Variants in TMTC4 observed in about 807,000 individuals in gnomAD.
The protein encoded by TMTC4 is transmembrane O-mannosyltransferase targeting cadherins 4, also known as protein O-mannosyl-transferase TMTC4.
Under a neutral mutation model 86.0 loss-of-function variants are expected in TMTC4, and 65 were observed. That is an observed-to-expected ratio of 0.76 (90% CI 0.62 to 0.93). TMTC4 has a LOEUF of 0.93. Ranked by LOEUF, TMTC4 falls within the 40% of genes least tolerant of loss-of-function variation. The probability of loss-of-function intolerance (pLI) is 0.00; values close to 1 mark genes in which losing one functional copy is unlikely to be tolerated. For synonymous variants in TMTC4, 379 were observed against 382.5 expected, an observed-to-expected ratio of 0.99 and a Z score of 0.11; for missense variants, 866 against 948.1, an observed-to-expected ratio of 0.91 and a Z score of 1.14.
chr13:100,655,534 G>T (rs1056578559), intron 6 of TMTC4, among the ~76,000 whole-genome samples: 3 of 152,086 alleles, frequency 2.0e-5, no homozygotes, highest in Non-Finnish European at 2.9e-5. Flanking sequence ...TTCATTATGG[G>T]GCCGGCCAAT....
At chr13:100,642,786 G>T (rs1365427507) in intron 6 of TMTC4, among the ~76,000 whole-genome samples, 4 of 152,170 alleles carry the variant, frequency 2.6e-5, no homozygotes. Flanking sequence ...AGGAGTTTGG[G>T]CCCTGTGGAC....
chr13:100,611,108 G>C (rs1267761110), intron 17 of TMTC4, among the ~76,000 whole-genome samples: 1 of 152,182 alleles, frequency 6.6e-6, no homozygotes, highest in East Asian at 1.9e-4. Flanking sequence ...GTAATAAACA[G>C]AAAAAGAGAA....
chr13:100,614,331 G>A lies in TMTC4; in HGVS notation c.1936C>T (p.Leu646Phe). The change falls in exon 16 of 19, where the codon CTC (leucine) becomes TTC (phenylalanine). Residue 646 changes from leucine to phenylalanine, a missense_variant. Physicochemically the swap from Leu to Phe is conservative, Grantham distance 22. Coordinates refer to ENST00000342624, the MANE Select transcript of TMTC4 (RefSeq NM_032813.5). ...HSLAWNNMII[L>F]LDNTGNLAQA... ...CTTTCTGTACCTGTATTGTCGAGGA[G>A]TATAATCATGTTGTTCCAGGCCAGG... 1.9e-6 allele frequency: 3 copies of A among 1,613,564 alleles called. No individual in the cohort carries two copies. Among genetic ancestry groups the A allele is most frequent in the Non-Finnish European group, 2.5e-6 (3 of 1,179,808 alleles).
Position 100,651,985 on chromosome 13 carries a change from TA to T in TMTC4, c.640+4395del, listed in dbSNP as rs202050063. On this transcript the variant is annotated intron_variant, in intron 6 of 18. Transcript: ENST00000342624. ...CAAGAAATCATCACTGCAGTGACAA[TA>T]AATACATGTGTTTACCACTCAGCTT... 5.3e-5 allele frequency among the ~76,000 whole-genome samples: 8 copies of T among 152,196 alleles called. No homozygotes were observed. The East Asian group carries it at 1.4e-3, about 26-fold the overall frequency.
chr13:100,611,074 T>G (rs995027233), intron 17 of TMTC4, among the ~76,000 whole-genome samples: 3 of 152,214 alleles, frequency 2.0e-5, no homozygotes, highest in Admixed American at 6.5e-5. Flanking sequence ...CCATTGTTAT[T>G]GAAAATTATA....
At chr13:100,631,673 C>T (rs1460614762) in intron 12 of TMTC4, among the ~76,000 whole-genome samples, 1 of 152,146 alleles carries the variant, frequency 6.6e-6, no homozygotes, top group Admixed American at 6.5e-5. Flanking sequence ...TCTTAGCTCA[C>T]ACATCTGGCC....
chr13:100,674,812 C>A (rs1186907163), upstream of TMTC4: 1 of 980,462 alleles, frequency 1.0e-6, no homozygotes, highest in Non-Finnish European at 1.2e-6. Context: ...TCCAGGCACC[C>A]GCCCGGACCT....
chr13:100,614,514 A>G, intron 15 of TMTC4, 84 bp from the exon 16 acceptor site: 1 of 1,066,402 alleles, frequency 9.4e-7, no homozygotes, highest in East Asian at 2.5e-5. Flanking sequence ...AAAAAAAAAG[A>G]AAGAAAAAGC....
intron 12 of TMTC4, among the ~76,000 whole-genome samples, chr13:100,627,333 G>A (rs1292028009): frequency 6.6e-6 from 1 of 152,154 alleles, no homozygotes; most frequent in Non-Finnish European, 1.5e-5. Flanking sequence ...AGTGCCCCAG[G>A]GTTGCAGCAA....
intron 12 of TMTC4, among the ~76,000 whole-genome samples, chr13:100,631,837 CA>C (rs200020803): frequency 1.3e-5 from 2 of 150,128 alleles, no homozygotes; most frequent in African/African-American, 4.9e-5. Flanking sequence ...TACATTTTTT[CA>C]AAAAAAAGGA....
chr13:100,666,037 C>G (rs769243752), intron 3 of TMTC4: 4 of 456,678 alleles, frequency 8.8e-6, no homozygotes, highest in South Asian at 6.2e-5. Context: ...CTTTTCCTCC[C>G]TTTGAACAGG....
Position 100,670,504 on chromosome 13 carries a change from G to C in TMTC4, c.-142C>G. The stretch of plus-strand genomic sequence containing the variant: ...ACGGCATGCTCTCAGCAAGTGCTGG[G>C]GGAATACTGCAGCTACTTTTCTTTT... On this transcript the variant is annotated 5_prime_UTR_variant, in exon 2 of 19. Transcript: ENST00000342624. 1.4e-6 allele frequency: 1 copy of C among 725,422 alleles called. No individual in the cohort carries two copies. Among genetic ancestry groups the C allele is most frequent in the South Asian group, 2.1e-5 (1 of 46,888 alleles). The allele number at this position is 725,422 out of a possible 1,614,324, so 44.9% of individuals were successfully genotyped here. A position where few individuals can be genotyped will look rare whatever the true frequency, so the allele number is the denominator to read the frequency against.
intron 6 of TMTC4, among the ~76,000 whole-genome samples, chr13:100,645,197 GC>G (rs555574149): frequency 9.6e-4 from 146 of 152,284 alleles, no homozygotes; most frequent in African/African-American, 3.4e-3. Flanking sequence ...TAAAGGCCTT[GC>G]TGAAGTGGCC....
At chr13:100,652,108 T>C (rs1024909970) in intron 6 of TMTC4, among the ~76,000 whole-genome samples, 5 of 152,042 alleles carry the variant, frequency 3.3e-5, no homozygotes, top group Non-Finnish European at 7.4e-5. Flanking sequence ...GAGGTTGCAG[T>C]GAGCCAAGAT....
In TMTC4 at chr13:100,656,454, G is replaced by A. The variant is rs1044745271; in HGVS notation, c.567C>T (p.Val189=). 17 of 1,600,626 alleles carry A rather than the reference G, an allele frequency of 1.1e-5. No individual in the cohort carries two copies. Among genetic ancestry groups the A allele is most frequent in the African/African-American group, 8.1e-5 (6 of 74,246 alleles). The change falls in exon 6 of 19, where the codon GTC becomes GTT. Residue 189 remains valine, a synonymous_variant. Transcript: ENST00000342624. ...PVHTECVAGV[V]GRADLLCALF... ...GGGCACACAGGAGGTCTGCACGGCC[G>A]ACAACACCAGCAACCTTAAAAAAGG...
chr13:100,647,679 T>C (rs551748081), intron 6 of TMTC4, among the ~76,000 whole-genome samples: 1 of 152,314 alleles, frequency 6.6e-6, no homozygotes, highest in South Asian at 2.1e-4. Context: ...AGTTCCTTCA[T>C]TAAAAATGCC....
intron 3 of TMTC4, among the ~76,000 whole-genome samples, chr13:100,666,562 A>G (rs1381173407): frequency 6.6e-6 from 1 of 152,212 alleles, no homozygotes; most frequent in Admixed American, 6.5e-5. Flanking sequence ...ATTTTTCAAC[A>G]TGGTTTCTGA....
chr13:100,670,208 G>T, intron 2 of TMTC4, 152 bp downstream of exon 2: 1 of 722,684 alleles, frequency 1.4e-6, no homozygotes, highest in Non-Finnish European at 2.2e-6. Context: ...AGGCAGTTTG[G>T]ATGTATTTGT....
Position 100,604,971 on chromosome 13 carries a change from C to T in TMTC4, c.*23G>A. 6.2e-7 allele frequency: 1 copy of T among 1,610,090 alleles called. No individual in the cohort carries two copies. The highest frequency in any genetic ancestry group is 1.1e-5 in the South Asian group (1 of 90,218). On this transcript the variant is annotated 3_prime_UTR_variant, in exon 19 of 19. Transcript: ENST00000342624. Reference sequence around the variant, plus strand: ...TGCCTCATGCACACACACACTCAAACTCAAAACATGAAGGAAACAGGATCA... The same window carrying T: ...TGCCTCATGCACACACACACTCAAATTCAAAACATGAAGGAAACAGGATCA...
Sources: allele counts gnomAD v4.1 joint callset (sites outside exome capture counted in the v4.1 genomes callset), GRCh38; gene constraint gnomAD v4.1.1; transcripts MANE v1.5; gene names NCBI Gene and HGNC (gene_info 2026-07-23, HGNC 2026-07-21).